Variants in TMEM51 observed in about 807,000 individuals in gnomAD.
TMEM51 encodes the protein transmembrane protein 51.
Under a neutral mutation model 13.6 loss-of-function variants are expected in TMEM51, and 8 were observed. That is an observed-to-expected ratio of 0.59 (90% CI 0.35 to 1.07). The LOEUF is 1.07. TMEM51 is among the 50% of genes least tolerant of loss of function. The pLI, the probability that TMEM51 is intolerant of heterozygous loss-of-function variation, is 0.02. For missense variants in TMEM51, 279 were observed against 330.7 expected (o/e 0.84, Z 1.21); for synonymous variants, 147 against 144.4 (o/e 1.02, Z -0.13).
intron 1 of TMEM51, among the ~76,000 whole-genome samples, chr1:15,167,738 C>G (rs1331208880): frequency 6.6e-6 from 1 of 152,164 alleles, no homozygotes; most frequent in Non-Finnish European, 1.5e-5. Flanking sequence ...CCGGTGAAAC[C>G]ATCTGTCTTT....
chr1:15,170,001 A>G (rs947358462), intron 1 of TMEM51, among the ~76,000 whole-genome samples: 1 of 152,196 alleles, frequency 6.6e-6, no homozygotes, highest in Non-Finnish European at 1.5e-5. Flanking sequence ...TAACAGCTTT[A>G]AGTTCAAATG....
At chr1:15,170,858 A>C (rs2100835629) in intron 1 of TMEM51, among the ~76,000 whole-genome samples, 2 of 152,144 alleles carry the variant, frequency 1.3e-5, no homozygotes, top group East Asian at 3.9e-4. Flanking sequence ...CCTCCCAAGC[A>C]GCTGGGACTA....
In TMEM51 at chr1:15,207,450, C is replaced by T. The variant is rs1334216348; in HGVS notation, c.-266-3040C>T. ...CTTTACCCCGTTTCAGCCGGGGCAGCGCTGCTTTCCATCGTCCCATCTTAT... is the reference window on the plus strand; with the variant it reads ...CTTTACCCCGTTTCAGCCGGGGCAGTGCTGCTTTCCATCGTCCCATCTTAT... On this transcript the variant is annotated intron_variant, in intron 1 of 3. Coordinates refer to ENST00000376008, the MANE Select transcript of TMEM51 (RefSeq NM_001136218.2). The surrounding 1 kb of genome is among the most constrained non-coding windows in gnomAD (Gnocchi z 4.6). Among the ~76,000 whole-genome samples, 7 of 152,260 alleles carry T rather than the reference C, an allele frequency of 4.6e-5. No individual in the cohort carries two copies. The East Asian group carries it at 9.6e-4, about 21-fold the overall frequency.
At chr1:15,153,062 G>T (rs913873265), upstream of TMEM51, among the ~76,000 whole-genome samples, 1 of 152,340 alleles carries the variant, frequency 6.6e-6, no homozygotes, top group Admixed American at 6.5e-5. Flanking sequence ...GTGCGATCCC[G>T]AGGGCGCCCT....
At position 15,207,643 on chromosome 1, in the gene TMEM51, G is replaced by A. The variant is rs1644274091; in HGVS notation, c.-266-2847G>A. ...CAGCCCCTCCCTGCCGGCTCTGGTT[G>A]GCCAGGGGTGTGCACACGAGTGGAA... On this transcript the variant is annotated intron_variant, in intron 1 of 3. Coordinates refer to ENST00000376008, the MANE Select transcript of TMEM51 (RefSeq NM_001136218.2). The surrounding 1 kb of genome is among the most constrained non-coding windows in gnomAD (Gnocchi z 4.6). 1.3e-5 allele frequency among the ~76,000 whole-genome samples: 2 copies of A among 152,172 alleles called. No individual in the cohort carries two copies. The highest frequency in any genetic ancestry group is 4.8e-5 in the African/African-American group (2 of 41,430).
At chr1:15,164,646 C>T (rs1642919646) in intron 1 of TMEM51, among the ~76,000 whole-genome samples, 1 of 151,958 alleles carries the variant, frequency 6.6e-6, no homozygotes, top group South Asian at 2.1e-4. Flanking sequence ...CGAAAGGCAA[C>T]ATTATAAAAG....
intron 1 of TMEM51, among the ~76,000 whole-genome samples, chr1:15,183,724 G>A (rs987200624): frequency 6.6e-6 from 1 of 152,170 alleles, no homozygotes; most frequent in Non-Finnish European, 1.5e-5. Context: ...AACAGGCAAG[G>A]CAACAAATAA....
At chr1:15,182,161 C>T (rs897017004) in intron 1 of TMEM51, among the ~76,000 whole-genome samples, 3 of 139,474 alleles carry the variant, frequency 2.2e-5, no homozygotes, top group Admixed American at 7.8e-5. Flanking sequence ...AACTCCATCT[C>T]AAATAAATAA....
chr1:15,168,223 C>CT (rs976157710), intron 1 of TMEM51, among the ~76,000 whole-genome samples: 4 of 152,144 alleles, frequency 2.6e-5, no homozygotes, highest in Admixed American at 1.3e-4. Flanking sequence ...CCTCAATCAC[C>CT]TTTAAGGACC....
At chr1:15,194,050 C>G (rs1643995104) in intron 1 of TMEM51, among the ~76,000 whole-genome samples, 1 of 152,264 alleles carries the variant, frequency 6.6e-6, no homozygotes, top group Non-Finnish European at 1.5e-5. Context: ...TATTAAGCTC[C>G]TCTGGCCTGT....
At chr1:15,201,927 C>T (rs902921517) in intron 1 of TMEM51, among the ~76,000 whole-genome samples, 9 of 152,172 alleles carry the variant, frequency 5.9e-5, no homozygotes, top group African/African-American at 1.9e-4. Context: ...CTGCAGAGGG[C>T]TGGCTGTCTG....
chr1:15,163,188 C>T (rs1404020396), intron 1 of TMEM51, among the ~76,000 whole-genome samples: 4 of 151,954 alleles, frequency 2.6e-5, no homozygotes, highest in Non-Finnish European at 5.9e-5. Flanking sequence ...CCTCTTGGAG[C>T]TTACACCTTA....
At chr1:15,186,510 G>A (rs1467616734) in intron 1 of TMEM51, among the ~76,000 whole-genome samples, 1 of 152,174 alleles carries the variant, frequency 6.6e-6, no homozygotes, top group African/African-American at 2.4e-5. Flanking sequence ...CCCTAGATGA[G>A]GAAAATAGTG....
At chr1:15,179,564 C>G (rs1643549927) in intron 1 of TMEM51, among the ~76,000 whole-genome samples, 1 of 152,198 alleles carries the variant, frequency 6.6e-6, no homozygotes, top group African/African-American at 2.4e-5. Context: ...GGGAGGATCA[C>G]TTGAGCCCAG....
chr1:15,189,521 C>T (rs1192054004), intron 1 of TMEM51, among the ~76,000 whole-genome samples: 1 of 152,126 alleles, frequency 6.6e-6, no homozygotes, highest in Non-Finnish European at 1.5e-5. Context: ...TCTAAACACC[C>T]CAGAGGGTAG....
At chr1:15,184,387 G>C (rs1643709364) in intron 1 of TMEM51, among the ~76,000 whole-genome samples, 1 of 152,208 alleles carries the variant, frequency 6.6e-6, no homozygotes, top group Non-Finnish European at 1.5e-5. Flanking sequence ...AGTGGCCAGG[G>C]ACTAGCAGAG....
chr1:15,157,297 A>C (rs1390980293), intron 1 of TMEM51, among the ~76,000 whole-genome samples: 1 of 152,196 alleles, frequency 6.6e-6, no homozygotes, highest in Non-Finnish European at 1.5e-5. Context: ...TAAAGTCTCC[A>C]CATTCTCTCT....
chr1:15,210,074 G>C, intron 1 of TMEM51, among the ~76,000 whole-genome samples: 1 of 152,126 alleles, frequency 6.6e-6, no homozygotes, highest in Non-Finnish European at 1.5e-5. Context: ...GAGGGAAGGA[G>C]GGAAGCATGG....
chr1:15,210,664 G>T (rs930122608), intron 2 of TMEM51, 102 bp downstream of exon 2: 1 of 152,182 alleles, frequency 6.6e-6, no homozygotes, highest in African/African-American at 2.4e-5. Context: ...CAGTGATGGG[G>T]CCAACCCCAG....
Sources: allele counts gnomAD v4.1 joint callset (sites outside exome capture counted in the v4.1 genomes callset), GRCh38; gene constraint gnomAD v4.1.1; non-coding constraint Gnocchi (gnomAD v3.1); transcripts MANE v1.5; gene names NCBI Gene and HGNC (gene_info 2026-07-23, HGNC 2026-07-21).